The following CERS3 variants were observed in gnomAD, a reference collection of about 807,000 sequenced individuals.
The protein encoded by CERS3 is ceramide synthase 3.
A neutral mutation model predicts 50.3 loss-of-function variants in CERS3; 33 were observed. That is an observed-to-expected ratio of 0.66 (90% CI 0.50 to 0.88). The LOEUF (loss-of-function observed/expected upper bound fraction) is 0.88, where lower values mean the gene tolerates loss of function less well. Ranked by LOEUF, CERS3 falls within the 40% of genes least tolerant of loss-of-function variation. The pLI is 0.00. For missense variants in CERS3, 470 were observed against 460.3 expected, an observed-to-expected ratio of 1.02 and a Z score of -0.19; for synonymous variants, 176 against 155.2, an observed-to-expected ratio of 1.13 and a Z score of -0.99.
chr15:100,492,758 G>A (rs1477624194), intron 3 of CERS3, among the ~76,000 whole-genome samples: 2 of 151,954 alleles, frequency 1.3e-5, no homozygotes, highest in Non-Finnish European at 2.9e-5. Flanking sequence ...TACATCTTAT[G>A]CCCTTTTGTT....
intron 2 of CERS3, among the ~76,000 whole-genome samples, chr15:100,503,046 T>C (rs1413512354): frequency 6.6e-6 from 1 of 152,242 alleles, no homozygotes; most frequent in East Asian, 1.9e-4. Flanking sequence ...TTAGATGTTT[T>C]AATATCATTG....
At chr15:100,473,647 A>G (rs1426300267) in intron 8 of CERS3, among the ~76,000 whole-genome samples, 2 of 152,230 alleles carry the variant, frequency 1.3e-5, no homozygotes, top group African/African-American at 4.8e-5. Context: ...ATGAACAATA[A>G]CAAGTGTTGG....
intron 3 of CERS3, among the ~76,000 whole-genome samples, chr15:100,492,576 ATTC>A (rs2035685734): frequency 6.6e-6 from 1 of 152,168 alleles, no homozygotes; most frequent in Non-Finnish European, 1.5e-5. Flanking sequence ...ATCCTTTTAC[ATTC>A]AACCTATTTG....
At chr15:100,510,020 C>A (rs2036293373) in intron 2 of CERS3, among the ~76,000 whole-genome samples, 1 of 66,000 alleles carries the variant, frequency 1.5e-5, no homozygotes, top group African/African-American at 5.2e-5. Context: ...GCTCTACAAA[C>A]CCAGCCAAAA....
intron 11 of CERS3, among the ~76,000 whole-genome samples, chr15:100,449,523 C>T (rs757760718): frequency 6.6e-6 from 1 of 152,200 alleles, no homozygotes; most frequent in Non-Finnish European, 1.5e-5. Flanking sequence ...GCTGCCACCA[C>T]TGGGGCCCAA....
chr15:100,494,258 T>TA (rs1555531583), intron 3 of CERS3, among the ~76,000 whole-genome samples: 1,126 of 12,330 alleles, frequency 0.091, 129 homozygotes, highest in East Asian at 0.22. Context: ...TATATATATA[T>TA]TTGTTTTGAG....
intron 10 of CERS3, among the ~76,000 whole-genome samples, chr15:100,462,563 G>A (rs2034584558): frequency 6.6e-6 from 1 of 152,168 alleles, no homozygotes; most frequent in Non-Finnish European, 1.5e-5. Context: ...TAAATATTTA[G>A]TGAAGGCAAA....
intron 1 of CERS3, among the ~76,000 whole-genome samples, chr15:100,525,415 A>G (rs560045485): frequency 8.5e-4 from 130 of 152,368 alleles, no homozygotes; most frequent in African/African-American, 2.8e-3. Flanking sequence ...TTAAATTCTC[A>G]TATTTGGGAA....
At chr15:100,458,468 C>A (rs557038228) in intron 10 of CERS3, among the ~76,000 whole-genome samples, 19 of 151,940 alleles carry the variant, frequency 1.3e-4, no homozygotes, top group African/African-American at 2.7e-4. Flanking sequence ...TATCTGTAAT[C>A]CTGGCTACTT....
At chr15:100,531,099 C>CA, upstream of CERS3, among the ~76,000 whole-genome samples, 1 of 151,880 alleles carries the variant, frequency 6.6e-6, no homozygotes. Flanking sequence ...AAACAAAAAA[C>CA]AAAAAACAAA....
At chr15:100,510,484 A>T (rs1290778086) in intron 2 of CERS3, among the ~76,000 whole-genome samples, 1 of 152,220 alleles carries the variant, frequency 6.6e-6, no homozygotes, top group East Asian at 1.9e-4. Flanking sequence ...GTATCACTTC[A>T]AAGATGTCAT....
intron 11 of CERS3, among the ~76,000 whole-genome samples, chr15:100,448,994 C>A (rs72757290): frequency 0.12 from 18,485 of 152,156 alleles, 1,314 homozygotes; most frequent in Admixed American, 0.22. Context: ...CTGAAAGTAA[C>A]CCCACTCTTC....
chr15:100,501,635 C>G (rs933759084), intron 3 of CERS3, 42 bp downstream of exon 3: 2 of 1,519,038 alleles, frequency 1.3e-6, no homozygotes, highest in Non-Finnish European at 1.8e-6. Context: ...AGTGTTAGAG[C>G]AAAGAGGGGG....
At chr15:100,503,637 A>T in intron 2 of CERS3, 1 of 467,818 alleles carries the variant, frequency 2.1e-6, no homozygotes, top group South Asian at 1.6e-5. Flanking sequence ...AGCTCTACCA[A>T]GCCCAAAATG....
At chr15:100,471,011 C>T (rs1019111496) in intron 9 of CERS3, among the ~76,000 whole-genome samples, 1 of 152,186 alleles carries the variant, frequency 6.6e-6, no homozygotes, top group Non-Finnish European at 1.5e-5. Flanking sequence ...TCAAGTAAGC[C>T]ATGGGCTGTG....
chr15:100,443,255 C>A (rs1353173938), intron 11 of CERS3, among the ~76,000 whole-genome samples: 3 of 151,390 alleles, frequency 2.0e-5, no homozygotes, highest in African/African-American at 7.3e-5. Flanking sequence ...GAAACCTAAT[C>A]ACCCTTACCC....
intron 11 of CERS3, among the ~76,000 whole-genome samples, chr15:100,411,015 G>A (rs1356212581): frequency 6.6e-6 from 1 of 152,048 alleles, no homozygotes; most frequent in African/African-American, 2.4e-5. Flanking sequence ...TCCACTTTCT[G>A]TCTCTATGAC....
At chr15:100,417,795 T>A (rs1364864294) in intron 11 of CERS3, among the ~76,000 whole-genome samples, 4 of 151,696 alleles carry the variant, frequency 2.6e-5, no homozygotes, top group East Asian at 1.9e-4. Context: ...GCAGCCTAAC[T>A]GAGAGGCACC....
intron 5 of CERS3, among the ~76,000 whole-genome samples, chr15:100,483,008 C>T (rs950337774): frequency 1.3e-5 from 2 of 152,192 alleles, no homozygotes; most frequent in Non-Finnish European, 2.9e-5. Context: ...AAATTTTATT[C>T]ATGGGCCCAC....
Sources: gnomAD v4.1 joint callset for allele counts (sites outside exome capture counted in the v4.1 genomes callset) on GRCh38, gnomAD v4.1.1 for gene constraint, MANE v1.5 for transcripts, NCBI Gene and HGNC (gene_info 2026-07-23, HGNC 2026-07-21) for gene names.